PRR5L: variants seen among roughly 807,000 people sequenced by gnomAD.
PRR5L encodes proline-rich protein 5-like.
PRR5L carries 21 observed loss-of-function variants against 36.4 expected under a neutral mutation model. The ratio of observed to expected loss-of-function variants is 0.58; its 90% CI spans 0.41 to 0.83. The LOEUF (loss-of-function observed/expected upper bound fraction) is 0.83, where lower values mean the gene tolerates loss of function less well. Among genes scored for constraint, PRR5L ranks in the 40% least tolerant of loss-of-function variants. PRR5L has a pLI of 0.00. For missense variants in PRR5L, 381 were observed against 473.3 expected, an observed-to-expected ratio of 0.80 and a Z score of 1.81; for synonymous variants, 188 against 197.0, an observed-to-expected ratio of 0.95 and a Z score of 0.38.
intron 1 of PRR5L, among the ~76,000 whole-genome samples, chr11:36,359,830 A>T (rs1272482258): frequency 6.6e-6 from 1 of 152,192 alleles, no homozygotes; most frequent in Non-Finnish European, 1.5e-5. Flanking sequence ...GGATCACCTG[A>T]GGTCAGGAGT....
intron 1 of PRR5L, among the ~76,000 whole-genome samples, chr11:36,325,112 G>C (rs930216618): frequency 2.0e-5 from 3 of 152,170 alleles, no homozygotes; most frequent in Non-Finnish European, 4.4e-5. Flanking sequence ...GGATTCCAAA[G>C]AATGGAATCT....
chr11:36,451,469 G>T, intron 8 of PRR5L, 134 bp downstream of exon 8: 6 of 1,110,914 alleles, frequency 5.4e-6, no homozygotes, highest in Non-Finnish European at 7.7e-6. Context: ...TCCTGTGCGG[G>T]TCAGTGCAAA....
intron 3 of PRR5L, among the ~76,000 whole-genome samples, chr11:36,418,653 G>A (rs190987167): frequency 2.5e-4 from 38 of 152,062 alleles, no homozygotes; most frequent in African/African-American, 8.4e-4. Flanking sequence ...AAAATTAGCC[G>A]GGCATGGTGG....
At chr11:36,397,067 C>CTTTT (rs11300346) in intron 1 of PRR5L, among the ~76,000 whole-genome samples, 4 of 130,642 alleles carry the variant, frequency 3.1e-5, no homozygotes, top group Non-Finnish European at 4.9e-5. Context: ...GTTTTCTTTT[C>CTTTT]TTTTTTTTTT....
intron 1 of PRR5L, among the ~76,000 whole-genome samples, chr11:36,308,928 A>T (rs999425508): frequency 2.6e-5 from 4 of 152,256 alleles, no homozygotes; most frequent in Non-Finnish European, 5.9e-5. Context: ...GAACTAAGGC[A>T]GAATTGCCCT....
chr11:36,409,635 G>T (rs927183003), intron 3 of PRR5L, among the ~76,000 whole-genome samples: 5 of 152,196 alleles, frequency 3.3e-5, no homozygotes, highest in Admixed American at 3.3e-4. Context: ...AGGTGAGCCT[G>T]GATCCAGCTC....
intron 1 of PRR5L, among the ~76,000 whole-genome samples, chr11:36,380,936 T>C (rs1046629498): frequency 6.6e-6 from 1 of 152,340 alleles, no homozygotes; most frequent in Non-Finnish European, 1.5e-5. Context: ...TAGAAATCCA[T>C]CTGACCGTGG....
chr11:36,330,047 C>T (rs1184435791), intron 1 of PRR5L, among the ~76,000 whole-genome samples: 1 of 152,140 alleles, frequency 6.6e-6, no homozygotes, highest in Non-Finnish European at 1.5e-5. Context: ...ACCTATGTTT[C>T]CAATTATTTC....
intron 1 of PRR5L, among the ~76,000 whole-genome samples, chr11:36,328,742 G>A (rs560992629): frequency 1.3e-5 from 2 of 152,338 alleles, no homozygotes; most frequent in South Asian, 2.1e-4. Context: ...CTCCCACAGA[G>A]GGCATTAATG....
chr11:36,434,278 G>A (rs1858561521), intron 5 of PRR5L, among the ~76,000 whole-genome samples: 1 of 152,018 alleles, frequency 6.6e-6, no homozygotes, highest in African/African-American at 2.4e-5. Flanking sequence ...AACCTTTAAG[G>A]GACTCTGCCA....
At chr11:36,336,444 A>G (rs937357485) in intron 1 of PRR5L, among the ~76,000 whole-genome samples, 2 of 150,982 alleles carry the variant, frequency 1.3e-5, no homozygotes, top group African/African-American at 2.4e-5. Context: ...TGCCCAGGCC[A>G]GTCTTGAGCT....
At chr11:36,351,312 A>G (rs1208091616) in intron 1 of PRR5L, among the ~76,000 whole-genome samples, 4 of 77,678 alleles carry the variant, frequency 5.1e-5, no homozygotes, top group South Asian at 4.9e-4. Context: ...ATATATTTAT[A>G]TATATTTATA....
intron 1 of PRR5L, among the ~76,000 whole-genome samples, chr11:36,378,746 G>A (rs1857319497): frequency 6.6e-6 from 1 of 152,128 alleles, no homozygotes; most frequent in Non-Finnish European, 1.5e-5. Context: ...TCTTAATGAT[G>A]TCTTAAACTT....
intron 4 of PRR5L, 56 bp from the exon 5 acceptor site, chr11:36,431,797 A>C: frequency 6.6e-7 from 1 of 1,526,092 alleles, no homozygotes; most frequent in Non-Finnish European, 9.1e-7. Flanking sequence ...AAGAGGGTTC[A>C]TCACTTACGC....
At chr11:36,436,088 T>C (rs1349662712) in intron 5 of PRR5L, among the ~76,000 whole-genome samples, 8 of 152,274 alleles carry the variant, frequency 5.3e-5, no homozygotes, top group Non-Finnish European at 1.0e-4. Flanking sequence ...TTTCAAAATC[T>C]GCACATCTTT....
chr11:36,453,404 T>C (rs1252291522), intron 8 of PRR5L, among the ~76,000 whole-genome samples: 1 of 152,228 alleles, frequency 6.6e-6, no homozygotes, highest in Admixed American at 6.5e-5. Flanking sequence ...GGGATAGCTT[T>C]AGCTTTCTAG....
intron 1 of PRR5L, chr11:36,376,325 G>C: frequency 2.3e-5 from 25 of 1,083,804 alleles, no homozygotes; most frequent in Non-Finnish European, 2.9e-5. Flanking sequence ...GGAGGAGGGG[G>C]AGAAGGGGGA....
At chr11:36,457,133 C>T (rs1859076423) in intron 8 of PRR5L, among the ~76,000 whole-genome samples, 1 of 152,236 alleles carries the variant, frequency 6.6e-6, no homozygotes, top group African/African-American at 2.4e-5. Flanking sequence ...TTCTCATTTC[C>T]TACAAAGATG....
At chr11:36,373,809 T>G (rs1857221689) in intron 1 of PRR5L, among the ~76,000 whole-genome samples, 1 of 151,944 alleles carries the variant, frequency 6.6e-6, no homozygotes, top group African/African-American at 2.4e-5. Flanking sequence ...ATGATTAACC[T>G]TTTTTTTCTT....
Sources: gnomAD v4.1 joint callset for allele counts (sites outside exome capture counted in the v4.1 genomes callset) on GRCh38, gnomAD v4.1.1 for gene constraint, MANE v1.5 for transcripts, NCBI Gene and HGNC (gene_info 2026-07-23, HGNC 2026-07-21) for gene names.